FIP1L1: variants seen among roughly 807,000 people sequenced by gnomAD.
FIP1L1 encodes the protein pre-mRNA 3'-end-processing factor FIP1.
A neutral mutation model predicts 84.6 loss-of-function variants in FIP1L1; 21 were observed. The observed-to-expected ratio is 0.25, with a 90% CI of 0.18 to 0.36. FIP1L1 has a LOEUF of 0.36. Ranked by LOEUF, FIP1L1 falls within the 10% of genes least tolerant of loss-of-function variation. FIP1L1 has a pLI of 1.00. For missense variants in FIP1L1, 526 were observed against 751.1 expected (o/e 0.70, Z 3.50); for synonymous variants, 263 against 242.3 (o/e 1.09, Z -0.80).
chr4:53,382,162 C>G, intron 3 of FIP1L1, 116 bp from the exon 4 acceptor site: 1 of 679,174 alleles, frequency 1.5e-6, no homozygotes, highest in Admixed American at 2.5e-5. Flanking sequence ...CCATTACTGT[C>G]TCCAGTGGAG....
In FIP1L1 at chr4:53,444,080, C is replaced by T. The variant is rs781590657; in HGVS notation, c.1262C>T (p.Ala421Val). ...GHSSGYDSRS[A>V]RAFPYGNVAF... ...TCCTCTGGTTATGATAGTCGTTCTG[C>T]ACGTGCATTTCCATATGGCAATGGT... The change falls in exon 15 of 18, where the codon GCA (alanine) becomes GTA (valine). Residue 421 changes from alanine (A) to valine (V), a missense_variant. Coordinates refer to ENST00000337488, the MANE Select transcript of FIP1L1 (RefSeq NM_030917.4). 6.2e-7 allele frequency: 1 copy of T among 1,607,038 alleles called. No homozygotes were observed. The highest frequency in any genetic ancestry group is 1.7e-5 in the Admixed American group (1 of 59,964).
chr4:53,448,043 C>G (rs1205986500), intron 15 of FIP1L1, among the ~76,000 whole-genome samples: 1 of 152,028 alleles, frequency 6.6e-6, no homozygotes, highest in East Asian at 1.9e-4. Flanking sequence ...TAAAGTCTTA[C>G]ACATTTTAGT....
At chr4:53,431,660 G>T (rs1290869182) in intron 13 of FIP1L1, among the ~76,000 whole-genome samples, 1 of 152,068 alleles carries the variant, frequency 6.6e-6, no homozygotes, top group Non-Finnish European at 1.5e-5. Context: ...CATACATCCA[G>T]ATTTGCCTGG....
chr4:53,448,197 A>G (rs1775010878), intron 15 of FIP1L1, among the ~76,000 whole-genome samples: 1 of 152,090 alleles, frequency 6.6e-6, no homozygotes, highest in South Asian at 2.1e-4. Context: ...TTTTAGGTAT[A>G]AAGATCTAGT....
chr4:53,388,801 C>G (rs1742566518), intron 5 of FIP1L1, among the ~76,000 whole-genome samples: 1 of 151,874 alleles, frequency 6.6e-6, no homozygotes, highest in South Asian at 2.1e-4. Context: ...TGTCTGTAAC[C>G]CCGTATTACA....
intron 10 of FIP1L1, among the ~76,000 whole-genome samples, chr4:53,409,087 C>T (rs1258271980): frequency 1.3e-5 from 2 of 152,132 alleles, no homozygotes; most frequent in African/African-American, 2.4e-5. Flanking sequence ...TTTAGAGTTT[C>T]GAGTTTTTCT....
chr4:53,415,514 G>A (rs537951044), intron 11 of FIP1L1, among the ~76,000 whole-genome samples: 5 of 133,584 alleles, frequency 3.7e-5, no homozygotes, highest in African/African-American at 1.3e-4. Flanking sequence ...TATACAAGGG[G>A]TAATTTTGTT....
chr4:53,416,701 A>G (rs1759650276), intron 11 of FIP1L1, among the ~76,000 whole-genome samples: 1 of 152,198 alleles, frequency 6.6e-6, no homozygotes. Context: ...GTGGTGGCTC[A>G]CACATGTAAT....
intron 10 of FIP1L1, among the ~76,000 whole-genome samples, chr4:53,411,237 A>C (rs1236265149): frequency 1.3e-5 from 2 of 152,196 alleles, no homozygotes; most frequent in African/African-American, 2.4e-5. Context: ...TGGAGGGCAA[A>C]TATAGGTAAG....
chr4:53,403,042 T>C (rs1223610503), intron 10 of FIP1L1, among the ~76,000 whole-genome samples: 2 of 152,170 alleles, frequency 1.3e-5, no homozygotes, highest in Non-Finnish European at 2.9e-5. Context: ...TAAGAGGCCA[T>C]TGGAAGGTAG....
intron 10 of FIP1L1, among the ~76,000 whole-genome samples, chr4:53,412,228 C>T (rs1238595392): frequency 2.0e-5 from 3 of 152,072 alleles, no homozygotes; most frequent in Non-Finnish European, 2.9e-5. Context: ...CCCCTTTACC[C>T]TTAAGTACTT....
chr4:53,455,534 G>A (rs564502641), intron 16 of FIP1L1, among the ~76,000 whole-genome samples: 2 of 152,090 alleles, frequency 1.3e-5, no homozygotes, highest in Admixed American at 6.6e-5. Flanking sequence ...GGAAAGAGAT[G>A]ACCTGAACAG....
At chr4:53,425,127 T>C (rs192870562) in intron 11 of FIP1L1, among the ~76,000 whole-genome samples, 9 of 152,256 alleles carry the variant, frequency 5.9e-5, no homozygotes, top group African/African-American at 2.2e-4. Flanking sequence ...ATTGCCTATT[T>C]CTCCAAGTGA....
chr4:53,393,949 A>G (rs993598150), intron 9 of FIP1L1, among the ~76,000 whole-genome samples: 2 of 151,812 alleles, frequency 1.3e-5, no homozygotes, highest in African/African-American at 2.4e-5. Context: ...TTTCTTTTCT[A>G]TTCTAGATAA....
chr4:53,392,811 T>C (rs1232917421), intron 9 of FIP1L1, among the ~76,000 whole-genome samples: 1 of 152,176 alleles, frequency 6.6e-6, no homozygotes, highest in Non-Finnish European at 1.5e-5. Context: ...AAAATTTATT[T>C]TGAAGTTTCT....
chr4:53,393,960 T>C (rs1745892083), intron 9 of FIP1L1, among the ~76,000 whole-genome samples: 1 of 152,120 alleles, frequency 6.6e-6, no homozygotes, highest in Non-Finnish European at 1.5e-5. Flanking sequence ...TTCTAGATAA[T>C]ATTGGATATC....
rs1353966494 is a variant in FIP1L1, at chr4:53,428,179, A to G, written c.1170A>G (p.Pro390=). ...GCACTGCTCCACCTCTGATTCCACC[A>G]CCGGGTAAATAGTAAATAAGACATT... ...TVSTAPPLIP[P]PGFPPPPGAP... is the part of the protein sequence containing the mutation. Residue 390 remains proline (P), a synonymous_variant, in exon 13 of 18, where the codon CCA becomes CCG. Coordinates refer to ENST00000337488, the MANE Select transcript of FIP1L1 (RefSeq NM_030917.4). 6.4e-7 allele frequency: 1 copy of G among 1,573,086 alleles called. No homozygotes were observed. The highest frequency in any genetic ancestry group is 2.2e-5 in the East Asian group (1 of 44,590).
Position 53,459,913 on chromosome 4 carries a change from G to A in FIP1L1, c.*464G>A. ...GTGACACTCTTGCTTAGTATATTAA[G>A]AGACTCATACATTTTTGATATCACA... On this transcript the variant is annotated 3_prime_UTR_variant, in exon 18 of 18. Coordinates refer to ENST00000337488, the MANE Select transcript of FIP1L1 (RefSeq NM_030917.4). 1 of 221,642 alleles carries A rather than the reference G, an allele frequency of 4.5e-6. No individual in the cohort carries two copies. The highest frequency in any genetic ancestry group is 9.0e-6 in the Non-Finnish European group (1 of 110,822). 13.7% of individuals were successfully genotyped at this position (221,642 alleles called of 1,614,324 possible).
chr4:53,380,497 C>A (rs181893043), intron 3 of FIP1L1, among the ~76,000 whole-genome samples: 1 of 152,028 alleles, frequency 6.6e-6, no homozygotes, highest in Admixed American at 6.6e-5. Flanking sequence ...GACTATGTGA[C>A]CATATTAAAA....
Sources: allele counts gnomAD v4.1 joint callset (sites outside exome capture counted in the v4.1 genomes callset), GRCh38; gene constraint gnomAD v4.1.1; transcripts MANE v1.5; gene names NCBI Gene and HGNC (gene_info 2026-07-23, HGNC 2026-07-21).